NRXN3: variants seen among roughly 807,000 people sequenced by gnomAD.
NRXN3 encodes the protein neurexin III.
A neutral mutation model predicts 137.6 loss-of-function variants in NRXN3; 32 were observed. The ratio of observed to expected loss-of-function variants is 0.23; its 90% confidence interval spans 0.18 to 0.31. NRXN3 has a LOEUF of 0.31. Among genes scored for constraint, NRXN3 ranks in the 10% least tolerant of loss-of-function variants. The pLI is 1.00. For synonymous variants in NRXN3, 798 were observed against 784.5 expected (o/e 1.02, Z -0.29); for missense variants, 1,574 against 2,062.5 (o/e 0.76, Z 4.59).
chr14:78,511,895 C>A (rs1433744418), intron 4 of NRXN3, among the ~76,000 whole-genome samples: 1 of 152,116 alleles, frequency 6.6e-6, no homozygotes, highest in African/African-American at 2.4e-5. Flanking sequence ...TCTATGAGAG[C>A]ATCAGTCTGT....
intron 15 of NRXN3, among the ~76,000 whole-genome samples, chr14:79,383,183 G>A (rs1284813468): frequency 6.6e-6 from 1 of 152,132 alleles, no homozygotes; most frequent in Non-Finnish European, 1.5e-5. Context: ...CTGAGTGGAT[G>A]TACAAGGGCA....
At chr14:79,700,542 G>T (rs1011715996) in intron 19 of NRXN3, among the ~76,000 whole-genome samples, 19 of 152,142 alleles carry the variant, frequency 1.2e-4, no homozygotes, top group Middle Eastern at 3.4e-3. Context: ...ATAAAAACCT[G>T]TCTGTTCAAA....
Position 78,681,722 on chromosome 14 carries a change from G to A in NRXN3, c.1222-27495G>A, listed in dbSNP as rs1254689634. Among the ~76,000 whole-genome samples the A allele has an allele frequency of 2.0e-5, 3 of 152,008 alleles. No individual in the cohort carries two copies. In the East Asian group the frequency reaches 5.8e-4, roughly 29 times the overall value. ...TCAGAAATTGTTTTTTGGAAAAGTGGGTCTCCTTTTTAATTTCCCATTCGC... is the reference window on the plus strand; with the variant it reads ...TCAGAAATTGTTTTTTGGAAAAGTGAGTCTCCTTTTTAATTTCCCATTCGC... On this transcript the variant is annotated intron_variant, in intron 6 of 20. Coordinates refer to ENST00000335750, the MANE Select transcript of NRXN3 (RefSeq NM_001330195.2).
At chr14:78,639,312 C>T (rs1322553744) in intron 4 of NRXN3, among the ~76,000 whole-genome samples, 1 of 152,200 alleles carries the variant, frequency 6.6e-6, no homozygotes, top group Non-Finnish European at 1.5e-5. Context: ...CTGCATGCTA[C>T]AATGAGAACA....
chr14:78,257,272 G>GCCAT (rs1411652161), intron 2 of NRXN3, among the ~76,000 whole-genome samples: 2 of 152,168 alleles, frequency 1.3e-5, no homozygotes, highest in African/African-American at 4.8e-5. Context: ...GTTGGAACAG[G>GCCAT]CCATCTCTTT....
At chr14:79,612,051 G>T (rs2098110132) in intron 16 of NRXN3, among the ~76,000 whole-genome samples, 2 of 152,160 alleles carry the variant, frequency 1.3e-5, no homozygotes, top group African/African-American at 4.8e-5. Context: ...ACACTGAACT[G>T]TGATGCTATT....
chr14:78,195,236 T>A (rs2061121633), intron 1 of NRXN3, among the ~76,000 whole-genome samples: 1 of 152,228 alleles, frequency 6.6e-6, no homozygotes, highest in Non-Finnish European at 1.5e-5. Context: ...TGCTAGGCAT[T>A]GTTCCTGGTG....
chr14:78,568,018 A>G (rs1305920533), intron 4 of NRXN3, among the ~76,000 whole-genome samples: 2 of 152,152 alleles, frequency 1.3e-5, no homozygotes, highest in African/African-American at 2.4e-5. Context: ...AGTTTTATTT[A>G]GCATTGAAAG....
At chr14:79,663,496 A>G (rs1158064196) in intron 16 of NRXN3, among the ~76,000 whole-genome samples, 1 of 152,124 alleles carries the variant, frequency 6.6e-6, no homozygotes, top group African/African-American at 2.4e-5. Flanking sequence ...GTCATTGCAT[A>G]GCTACTAGGT....
chr14:79,335,306 A>G (rs1018239230), intron 15 of NRXN3, among the ~76,000 whole-genome samples: 7 of 151,950 alleles, frequency 4.6e-5, no homozygotes, highest in African/African-American at 1.5e-4. Flanking sequence ...CTGGGAGACT[A>G]TTTTACTTTG....
intron 14 of NRXN3, among the ~76,000 whole-genome samples, chr14:78,976,507 G>C (rs907734115): frequency 1.3e-5 from 2 of 152,072 alleles, no homozygotes; most frequent in African/African-American, 4.8e-5. Flanking sequence ...CTTTAGTTAG[G>C]TAAAGGAAAT....
At chr14:78,654,485 G>A (rs531053199) in intron 6 of NRXN3, among the ~76,000 whole-genome samples, 24 of 152,320 alleles carry the variant, frequency 1.6e-4, no homozygotes, top group African/African-American at 5.5e-4. Context: ...AATAGGTTTT[G>A]TCTTTGGGAC....
intron 16 of NRXN3, among the ~76,000 whole-genome samples, chr14:79,485,811 T>C (rs969519695): frequency 6.6e-6 from 1 of 152,172 alleles, no homozygotes; most frequent in Non-Finnish European, 1.5e-5. Context: ...ACTGTCAACA[T>C]GTTTTCATAT....
intron 4 of NRXN3, among the ~76,000 whole-genome samples, chr14:78,569,095 G>A (rs748564388): frequency 2.1e-4 from 32 of 150,196 alleles, no homozygotes; most frequent in Non-Finnish European, 3.1e-4. Context: ...AGCCTCCTGA[G>A]TAGCTGGGAC....
At chr14:78,182,318 G>C (rs1450471893) in intron 1 of NRXN3, among the ~76,000 whole-genome samples, 1 of 151,882 alleles carries the variant, frequency 6.6e-6, no homozygotes, top group Non-Finnish European at 1.5e-5. Context: ...AGCTTGTAAG[G>C]CTCTCCTACA....
At chr14:79,612,356 T>C (rs2098113542) in intron 16 of NRXN3, among the ~76,000 whole-genome samples, 1 of 152,172 alleles carries the variant, frequency 6.6e-6, no homozygotes, top group Admixed American at 6.5e-5. Flanking sequence ...GCTAACACAT[T>C]TCCAGTGGAT....
At position 79,564,881 on chromosome 14, in the gene NRXN3, A is replaced by G. The variant is rs544173134; in HGVS notation, c.3444+97479A>G. ...AGGAATGCATTTATGTCAAGGAAAA[A>G]ATAAAATGATGCCAGAGTCTGATTT... On this transcript the variant is annotated intron_variant, in intron 16 of 20. Coordinates refer to ENST00000335750, the MANE Select transcript of NRXN3 (RefSeq NM_001330195.2). 2.0e-5 allele frequency among the ~76,000 whole-genome samples: 3 copies of G among 152,210 alleles called. No individual in the cohort carries two copies. In the South Asian group the frequency reaches 6.2e-4, roughly 32 times the overall value.
intron 1 of NRXN3, among the ~76,000 whole-genome samples, chr14:78,222,949 A>G (rs1372548639): frequency 6.6e-6 from 1 of 152,244 alleles, no homozygotes; most frequent in African/African-American, 2.4e-5. Context: ...ATGCATGATG[A>G]AAAATTTACA....
At chr14:79,175,501 A>T (rs139549106) in intron 15 of NRXN3, among the ~76,000 whole-genome samples, 1 of 152,248 alleles carries the variant, frequency 6.6e-6, no homozygotes. Flanking sequence ...TTTTATATCA[A>T]TATGACTGTA....
Sources: allele counts gnomAD v4.1 joint callset (sites outside exome capture counted in the v4.1 genomes callset), GRCh38; gene constraint gnomAD v4.1.1; transcripts MANE v1.5; gene names NCBI Gene and HGNC (gene_info 2026-07-23, HGNC 2026-07-21).